LGMN: variants seen among roughly 807,000 people sequenced by gnomAD.
LGMN encodes the protein legumain.
LGMN carries 36 observed loss-of-function variants against 56.8 expected under a neutral mutation model. That is an observed-to-expected ratio of 0.63 (90% CI 0.49 to 0.84). The LOEUF is 0.84. LGMN is among the 40% of genes least tolerant of loss of function. The pLI, the probability that LGMN is intolerant of heterozygous loss-of-function variation, is 0.00. For synonymous variants in LGMN, 199 were observed against 210.1 expected (o/e 0.95, Z 0.46); for missense variants, 446 against 556.1 (o/e 0.80, Z 1.99).
At chr14:92,731,794 C>T (rs1360373230) in intron 2 of LGMN, among the ~76,000 whole-genome samples, 1 of 152,194 alleles carries the variant, frequency 6.6e-6, no homozygotes, top group Non-Finnish European at 1.5e-5. Flanking sequence ...ATGTTTTCAC[C>T]TCTCTTAAGG....
chr14:92,714,797 C>A lies in LGMN; in HGVS notation c.405-346G>T, dbSNP rs544403296. Among the ~76,000 whole-genome samples the A allele has an allele frequency of 6.6e-6, 1 of 152,272 alleles. No individual in the cohort carries two copies. Among genetic ancestry groups the A allele is most frequent in the South Asian group, 2.1e-4 (1 of 4,826 alleles). ...CATCCCAGGCAGCCACACTCTCCAA[C>A]CAGATCTCCCCAAAATGACCTCAAC... On this transcript the variant is annotated intron_variant, in intron 5 of 13. Transcript: ENST00000334869. This position sits in a 1 kb window ranked among gnomAD's most constrained non-coding sequence, Gnocchi z 5.1.
intron 11 of LGMN, among the ~76,000 whole-genome samples, chr14:92,706,898 A>C (rs1250148549): frequency 6.6e-6 from 1 of 152,176 alleles, no homozygotes; most frequent in Non-Finnish European, 1.5e-5. Context: ...GTATCAAAAA[A>C]CAACCTTTGC....
Position 92,716,022 on chromosome 14 carries a change from CT to C in LGMN, c.404+113del. On this transcript the variant is annotated intron_variant, in intron 5 of 13. Transcript: ENST00000334869. Reference sequence around the variant, plus strand: ...CTAAGTCAGAACAAAACTCTCCACTCTGTAATTTCTCACAGGTAAACAGGCT... The same window carrying C: ...CTAAGTCAGAACAAAACTCTCCACTCGTAATTTCTCACAGGTAAACAGGCT... 3 of 702,868 alleles carry C rather than the reference CT, an allele frequency of 4.3e-6. No individual in the cohort carries two copies. The South Asian group carries it at 5.3e-5, about 13-fold the overall frequency. 43.5% of individuals were successfully genotyped at this position (702,868 alleles called of 1,614,324 possible). A position where few individuals can be genotyped will look rare whatever the true frequency, so the allele number is the denominator to read the frequency against.
intron 2 of LGMN, among the ~76,000 whole-genome samples, chr14:92,730,878 C>T (rs987154690): frequency 6.0e-5 from 9 of 150,790 alleles, no homozygotes; most frequent in South Asian, 2.1e-4. Context: ...TGCAGTGAGC[C>T]GAGATCGCGC....
chr14:92,704,005 G>A lies in LGMN; in HGVS notation c.*314C>T, dbSNP rs540373289. On this transcript the variant is annotated 3_prime_UTR_variant, in exon 14 of 14. Transcript: ENST00000334869. Reference sequence around the variant, plus strand: ...CAGAATAAAGACTCCTTTTGAGAGGGGCTACAGAAGCCCCCATGAGCTTCC... The same window carrying A: ...CAGAATAAAGACTCCTTTTGAGAGGAGCTACAGAAGCCCCCATGAGCTTCC... The A allele has an allele frequency of 1.5e-6, 1 of 666,906 alleles. No homozygotes were observed. The highest frequency in any genetic ancestry group is 2.7e-5 in the East Asian group (1 of 36,946). 41.3% of individuals were successfully genotyped at this position (666,906 alleles called of 1,614,324 possible). A position where few individuals can be genotyped will look rare whatever the true frequency, so the allele number is the denominator to read the frequency against.
intron 2 of LGMN, among the ~76,000 whole-genome samples, chr14:92,731,286 A>T (rs1220095894): frequency 6.6e-6 from 1 of 152,232 alleles, no homozygotes; most frequent in Admixed American, 6.5e-5. Flanking sequence ...TGACTTTTTA[A>T]AAAAATAACA....
chr14:92,739,534 C>T (rs1891457633), intron 1 of LGMN, among the ~76,000 whole-genome samples: 1 of 152,198 alleles, frequency 6.6e-6, no homozygotes, highest in South Asian at 2.1e-4. Flanking sequence ...AACAGTGAAC[C>T]AAACAGACAA....
chr14:92,706,417 G>C (rs1889430542), intron 12 of LGMN, 66 bp downstream of exon 12: 1 of 1,330,456 alleles, frequency 7.5e-7, no homozygotes, highest in East Asian at 2.5e-5. Flanking sequence ...CAACCAATGT[G>C]ACTGCCAGGG....
chr14:92,738,089 A>G (rs1891384033), intron 1 of LGMN, among the ~76,000 whole-genome samples: 1 of 152,216 alleles, frequency 6.6e-6, no homozygotes, highest in Non-Finnish European at 1.5e-5. Context: ...ATAAAATACC[A>G]GAAACAAACG....
At chr14:92,712,733 C>T (rs757253401) in intron 8 of LGMN, 72 bp downstream of exon 8, 3 of 1,416,396 alleles carry the variant, frequency 2.1e-6, no homozygotes, top group Admixed American at 1.8e-5. Context: ...GGAGAATGCT[C>T]AGTTCCATGT....
chr14:92,708,151 CA>C (rs5810610), intron 11 of LGMN, among the ~76,000 whole-genome samples: 82,612 of 133,834 alleles, frequency 0.62, 24,428 homozygotes, highest in East Asian at 0.76. Flanking sequence ...AACTCCATCT[CA>C]AAAAAAAAAA....
intron 10 of LGMN, among the ~76,000 whole-genome samples, chr14:92,710,502 G>A (rs533704983): frequency 2.0e-5 from 3 of 152,228 alleles, no homozygotes; most frequent in Non-Finnish European, 2.9e-5. Context: ...GGCCAGGCTC[G>A]ATTTGGCTGT....
chr14:92,737,651 C>A (rs771605256), intron 1 of LGMN, among the ~76,000 whole-genome samples: 24 of 152,200 alleles, frequency 1.6e-4, no homozygotes, highest in Non-Finnish European at 3.1e-4. Flanking sequence ...AGGTGGGATG[C>A]CTGTGTTTCT....
At chr14:92,734,701 A>G (rs1891217752) in intron 1 of LGMN, among the ~76,000 whole-genome samples, 1 of 152,218 alleles carries the variant, frequency 6.6e-6, no homozygotes, top group Non-Finnish European at 1.5e-5. Context: ...TTATACTTCA[A>G]TTCCAAACCC....
chr14:92,707,157 C>T (rs1419276186), intron 11 of LGMN, among the ~76,000 whole-genome samples: 4 of 151,734 alleles, frequency 2.6e-5, no homozygotes, highest in Admixed American at 2.0e-4. Flanking sequence ...TTTAGGAGGC[C>T]GAGGCAGGAG....
intron 2 of LGMN, among the ~76,000 whole-genome samples, chr14:92,728,913 C>T (rs867528222): frequency 8.5e-5 from 13 of 152,248 alleles, no homozygotes; most frequent in South Asian, 2.1e-4. Context: ...TGAGATAACA[C>T]GTGCCAAGTG....
chr14:92,730,087 C>T lies in LGMN; in HGVS notation c.138+2562G>A, dbSNP rs1380639448. Reference sequence around the variant, plus strand: ...TTAAAAGCTGGTTGTATAAAAATCACGGTGGTTGATGAGTAATCGTGTTAA... The same window carrying T: ...TTAAAAGCTGGTTGTATAAAAATCATGGTGGTTGATGAGTAATCGTGTTAA... On this transcript the variant is annotated intron_variant, in intron 2 of 13. Coordinates refer to ENST00000334869, the MANE Select transcript of LGMN (RefSeq NM_005606.7). 2.0e-5 allele frequency among the ~76,000 whole-genome samples: 3 copies of T among 152,106 alleles called. No individual in the cohort carries two copies. In the East Asian group the frequency reaches 5.8e-4, roughly 29 times the overall value.
chr14:92,704,779 CAGAGGGGA>C (rs990898379), intron 12 of LGMN, 72 bp from the exon 13 acceptor site: 2 of 1,227,806 alleles, frequency 1.6e-6, no homozygotes, highest in African/African-American at 3.0e-5. Context: ...TTTGCAATTG[CAGAGGGGA>C]AGCATCTTGA....
chr14:92,704,063 C>A lies in LGMN; in HGVS notation c.*256G>T. On this transcript the variant is annotated 3_prime_UTR_variant, in exon 14 of 14. Transcript: ENST00000334869. Reference sequence around the variant, plus strand: ...CAAAACTAACAGGCAAAACAACAAACCTCCTAGAAAGCAAATATGACCCTT... The same window carrying A: ...CAAAACTAACAGGCAAAACAACAAAACTCCTAGAAAGCAAATATGACCCTT... 1 of 701,426 alleles carries A rather than the reference C, an allele frequency of 1.4e-6. No homozygotes were observed. The highest frequency in any genetic ancestry group is 2.6e-6 in the Non-Finnish European group (1 of 385,290). 43.5% of individuals were successfully genotyped at this position (701,426 alleles called of 1,614,324 possible). A position where few individuals can be genotyped will look rare whatever the true frequency, so the allele number is the denominator to read the frequency against.
Sources: allele counts gnomAD v4.1 joint callset (sites outside exome capture counted in the v4.1 genomes callset), GRCh38; gene constraint gnomAD v4.1.1; non-coding constraint Gnocchi (gnomAD v3.1); transcripts MANE v1.5; gene names NCBI Gene and HGNC (gene_info 2026-07-23, HGNC 2026-07-21).